Variants in BTBD9 observed in about 807,000 individuals in gnomAD.
BTBD9 encodes the protein BTB/POZ domain-containing protein 9.
BTBD9 carries 49 observed loss-of-function variants against 64.3 expected under a neutral mutation model. The observed-to-expected ratio is 0.76, with a 90% CI of 0.61 to 0.97. BTBD9 has a LOEUF of 0.97. BTBD9 is among the 50% of genes least tolerant of loss of function. BTBD9 has a pLI of 0.00. For synonymous variants in BTBD9, 260 were observed against 274.7 expected, an observed-to-expected ratio of 0.95 and a Z score of 0.53; for missense variants, 598 against 762.1, an observed-to-expected ratio of 0.78 and a Z score of 2.53.
chr6:38,405,556 A>T (rs1767124612), intron 6 of BTBD9, among the ~76,000 whole-genome samples: 1 of 152,112 alleles, frequency 6.6e-6, no homozygotes, highest in Non-Finnish European at 1.5e-5. Flanking sequence ...AATGAGAAAT[A>T]AGCTCCTGCA....
intron 7 of BTBD9, among the ~76,000 whole-genome samples, chr6:38,302,485 G>GTATGTA (rs1384155514): frequency 9.4e-6 from 1 of 106,908 alleles, no homozygotes; most frequent in African/African-American, 3.5e-5. Flanking sequence ...TTGTGTGTAT[G>GTATGTA]TATATATATA....
At chr6:38,222,627 A>G (rs925691861) in intron 9 of BTBD9, among the ~76,000 whole-genome samples, 7 of 152,170 alleles carry the variant, frequency 4.6e-5, no homozygotes, top group Non-Finnish European at 1.0e-4. Context: ...CAGGGATGGT[A>G]AAGCTTCCAG....
At chr6:38,592,948 T>C (rs1003741570) in intron 3 of BTBD9, 108 bp from the exon 4 acceptor site, 141 of 1,157,014 alleles carry the variant, frequency 1.2e-4, no homozygotes, top group Non-Finnish European at 1.7e-4. Flanking sequence ...TAACTCTTTT[T>C]GACCCTCTCC....
At chr6:38,263,479 A>G (rs139876686) in intron 8 of BTBD9, among the ~76,000 whole-genome samples, 1 of 152,292 alleles carries the variant, frequency 6.6e-6, no homozygotes, top group Non-Finnish European at 1.5e-5. Context: ...AGCTCAGTTT[A>G]TCCTCTGGAC....
intron 8 of BTBD9, among the ~76,000 whole-genome samples, chr6:38,267,696 T>C (rs1233219525): frequency 6.6e-6 from 1 of 152,190 alleles, no homozygotes; most frequent in Non-Finnish European, 1.5e-5. Flanking sequence ...TCCCAGCACT[T>C]TGAGAGGCCA....
At chr6:38,517,068 A>G (rs1035583977) in intron 6 of BTBD9, among the ~76,000 whole-genome samples, 1 of 152,168 alleles carries the variant, frequency 6.6e-6, no homozygotes, top group African/African-American at 2.4e-5. Flanking sequence ...GAGAGACTAG[A>G]CAATCTAAGG....
chr6:38,350,736 T>C (rs1300796088), intron 6 of BTBD9, among the ~76,000 whole-genome samples: 1 of 152,196 alleles, frequency 6.6e-6, no homozygotes, highest in Non-Finnish European at 1.5e-5. Context: ...TCAGTAACCA[T>C]AGAGGACTCT....
At chr6:38,445,898 A>G (rs1769255870) in intron 6 of BTBD9, among the ~76,000 whole-genome samples, 1 of 152,244 alleles carries the variant, frequency 6.6e-6, no homozygotes, top group Non-Finnish European at 1.5e-5. Context: ...GGCTAAATAT[A>G]GAATATCATG....
intron 7 of BTBD9, among the ~76,000 whole-genome samples, chr6:38,290,996 A>AT (rs1224579805): frequency 1.3e-5 from 2 of 152,122 alleles, no homozygotes; most frequent in African/African-American, 4.8e-5. Flanking sequence ...GGACATTTAG[A>AT]TTGTTACCAT....
intron 6 of BTBD9, among the ~76,000 whole-genome samples, chr6:38,539,989 G>A (rs546015928): frequency 1.3e-5 from 2 of 152,192 alleles, no homozygotes; most frequent in African/African-American, 2.4e-5. Context: ...GGGCAGGGAT[G>A]TTGATGTTAT....
At chr6:38,265,371 T>C (rs1455942646) in intron 8 of BTBD9, among the ~76,000 whole-genome samples, 1 of 152,120 alleles carries the variant, frequency 6.6e-6, no homozygotes, top group Non-Finnish European at 1.5e-5. Context: ...ATGAGAAATA[T>C]AGTATAATCT....
At chr6:38,581,082 C>T (rs1231293111) in intron 4 of BTBD9, among the ~76,000 whole-genome samples, 4 of 152,190 alleles carry the variant, frequency 2.6e-5, no homozygotes, top group Admixed American at 2.6e-4. Context: ...ATCCCAGCTA[C>T]TCGGGAGGCT....
chr6:38,379,983 A>G (rs1174221360), intron 6 of BTBD9, among the ~76,000 whole-genome samples: 1 of 152,208 alleles, frequency 6.6e-6, no homozygotes, highest in Non-Finnish European at 1.5e-5. Flanking sequence ...ATAAATGCCC[A>G]AAGAAAGAGC....
chr6:38,632,658 G>A (rs550874703), intron 1 of BTBD9, among the ~76,000 whole-genome samples: 1 of 152,182 alleles, frequency 6.6e-6, no homozygotes, highest in Non-Finnish European at 1.5e-5. Flanking sequence ...GGGGCTGGGT[G>A]CAGTGACTCA....
At chr6:38,636,428 AC>A (rs1210936466) in intron 1 of BTBD9, among the ~76,000 whole-genome samples, 1 of 152,176 alleles carries the variant, frequency 6.6e-6, no homozygotes, top group East Asian at 1.9e-4. Flanking sequence ...CAGAATTAAC[AC>A]TGCCATTATT....
At chr6:38,412,975 T>C (rs1366636585) in intron 6 of BTBD9, among the ~76,000 whole-genome samples, 6 of 149,642 alleles carry the variant, frequency 4.0e-5, no homozygotes, top group Admixed American at 3.9e-4. Flanking sequence ...GCACATGGAC[T>C]ATATAAAGTG....
At chr6:38,332,323 A>T (rs1414410740) in intron 7 of BTBD9, among the ~76,000 whole-genome samples, 1 of 152,258 alleles carries the variant, frequency 6.6e-6, no homozygotes, top group Non-Finnish European at 1.5e-5. Context: ...CTCTTTAACA[A>T]GAAATGCTTT....
intron 9 of BTBD9, among the ~76,000 whole-genome samples, chr6:38,245,460 C>A (rs1176922703): frequency 6.6e-6 from 1 of 151,968 alleles, no homozygotes; most frequent in Non-Finnish European, 1.5e-5. Context: ...GAGGACAGAG[C>A]ATGATGGATG....
At chr6:38,214,722 C>T (rs983777579) in intron 9 of BTBD9, among the ~76,000 whole-genome samples, 7 of 152,162 alleles carry the variant, frequency 4.6e-5, no homozygotes, top group African/African-American at 1.7e-4. Flanking sequence ...AGGTTTGATG[C>T]CATGTATTTC....
Sources: allele counts gnomAD v4.1 joint callset (sites outside exome capture counted in the v4.1 genomes callset), GRCh38; gene constraint gnomAD v4.1.1; transcripts MANE v1.5; gene names NCBI Gene and HGNC (gene_info 2026-07-23, HGNC 2026-07-21).